Variants in DYNC2H1 observed in about 807,000 individuals in gnomAD.
The protein encoded by DYNC2H1 is cytoplasmic dynein 2 heavy chain 1.
A neutral mutation model predicts 570.0 loss-of-function variants in DYNC2H1; 410 were observed. That is an observed-to-expected ratio of 0.72 (90% CI 0.66 to 0.78). The LOEUF is 0.78. Among genes scored for constraint, DYNC2H1 ranks in the 30% least tolerant of loss-of-function variants. DYNC2H1 has a pLI of 0.00. For missense variants in DYNC2H1, 4,865 were observed against 5,046.4 expected, an observed-to-expected ratio of 0.96 and a Z score of 1.09; for synonymous variants, 1,688 against 1,677.6, an observed-to-expected ratio of 1.01 and a Z score of -0.15.
At chr11:103,184,377 G>A (rs1047742614) in intron 40 of DYNC2H1, among the ~76,000 whole-genome samples, 37 of 151,788 alleles carry the variant, frequency 2.4e-4, no homozygotes, top group African/African-American at 8.5e-4. Context: ...TAACTCTCTG[G>A]CACTTACCAG....
intron 85 of DYNC2H1, among the ~76,000 whole-genome samples, chr11:103,453,870 T>G (rs1944696390): frequency 6.6e-6 from 1 of 151,830 alleles, no homozygotes; most frequent in Non-Finnish European, 1.5e-5. Context: ...TTAATAAAAA[T>G]TATTTGATAG....
At chr11:103,161,309 T>C (rs1037799950) in intron 29 of DYNC2H1, among the ~76,000 whole-genome samples, 1 of 152,154 alleles carries the variant, frequency 6.6e-6, no homozygotes, top group Admixed American at 6.5e-5. Context: ...GATATTAATC[T>C]TAGCTCCACA....
In DYNC2H1 at chr11:103,468,224, T is replaced by C. The variant is rs566364424; in HGVS notation, c.12649-365T>C. 1.8e-3 allele frequency among the ~76,000 whole-genome samples: 274 copies of C among 152,306 alleles called. 2 individuals carry two copies. Among genetic ancestry groups the C allele is most frequent in the Non-Finnish European group, 2.0e-3 (138 of 68,030 alleles). On this transcript the variant is annotated intron_variant, in intron 87 of 88. Transcript: ENST00000375735. ...AGGTGTCAGAATTCCAGGTTGGGAA[T>C]ACAATGTTTGCTCTCTAATTATGCT...
At chr11:103,259,015 C>T (rs527633700) in intron 69 of DYNC2H1, among the ~76,000 whole-genome samples, 4 of 152,310 alleles carry the variant, frequency 2.6e-5, no homozygotes, top group African/African-American at 9.6e-5. Context: ...AGGATTAATG[C>T]ATCTGAGTTC....
At position 103,198,054 on chromosome 11, in the gene DYNC2H1, T is replaced by A. The variant is rs1862571096; in HGVS notation, c.7830T>A (p.Val2610=). The A allele has an allele frequency of 6.4e-7, 1 of 1,551,856 alleles. No homozygotes were observed. The highest frequency in any genetic ancestry group is 8.7e-7 in the Non-Finnish European group (1 of 1,146,936). The part of the protein sequence containing the change: ...GKLNSTDLKD[V]IKKGLIHYGR... ...TAAACTCTACTGATCTCAAGGATGT[T>A]ATTAAAAAGGTATAATATGAATCAT... Residue 2610 remains valine (V), a synonymous_variant, in exon 48 of 89, where the codon GTT becomes GTA. Coordinates refer to ENST00000375735, the MANE Select transcript of DYNC2H1 (RefSeq NM_001377.3).
chr11:103,426,337 C>G (rs1943671649), intron 84 of DYNC2H1, among the ~76,000 whole-genome samples: 1 of 152,172 alleles, frequency 6.6e-6, no homozygotes, highest in African/African-American at 2.4e-5. Flanking sequence ...CTTTATATTT[C>G]TGTGTGTGTG....
chr11:103,173,807 T>C (rs1032253709), intron 35 of DYNC2H1, among the ~76,000 whole-genome samples: 1 of 152,130 alleles, frequency 6.6e-6, no homozygotes, highest in Non-Finnish European at 1.5e-5. Context: ...AACAGGTAAT[T>C]GTCATTTGGT....
At chr11:103,329,773 A>T (rs1397422939) in intron 82 of DYNC2H1, among the ~76,000 whole-genome samples, 1 of 152,092 alleles carries the variant, frequency 6.6e-6, no homozygotes, top group Non-Finnish European at 1.5e-5. Flanking sequence ...CTTTCTATTA[A>T]TGAATATTGC....
chr11:103,302,781 C>T (rs1475521856), intron 75 of DYNC2H1, among the ~76,000 whole-genome samples: 1 of 151,988 alleles, frequency 6.6e-6, no homozygotes, highest in African/African-American at 2.4e-5. Context: ...TACAGTACAG[C>T]TACAGGCCTG....
intron 54 of DYNC2H1, among the ~76,000 whole-genome samples, chr11:103,212,711 T>C (rs1291464257): frequency 6.6e-6 from 1 of 152,092 alleles, no homozygotes; most frequent in Non-Finnish European, 1.5e-5. Context: ...TTTCCCTTTG[T>C]TAGGGTAGTA....
chr11:103,168,994 T>G lies in DYNC2H1; in HGVS notation c.4968+34T>G, dbSNP rs1417000317. The G allele has an allele frequency of 2.6e-6, 4 of 1,513,370 alleles. No individual in the cohort carries two copies. In the South Asian group the frequency reaches 5.5e-5, roughly 21 times the overall value. The allele number at this position is 1,513,370 out of a possible 1,614,324, so 93.7% of individuals were successfully genotyped here. ...TGTGGCAGTGTTTTATATTTCCAATTAGAAATTATTTACTGTAAAGAAAAT... is the reference window on the plus strand; with the variant it reads ...TGTGGCAGTGTTTTATATTTCCAATGAGAAATTATTTACTGTAAAGAAAAT... On this transcript the variant is annotated intron_variant, in intron 32 of 88. Coordinates refer to ENST00000375735, the MANE Select transcript of DYNC2H1 (RefSeq NM_001377.3).
At position 103,465,559 on chromosome 11, in the gene DYNC2H1, C is replaced by A. The variant is rs1364266923; in HGVS notation, c.12649-3030C>A. Among the ~76,000 whole-genome samples, 1 of 152,068 alleles carries A rather than the reference C, an allele frequency of 6.6e-6. No homozygotes were observed. Among genetic ancestry groups the A allele is most frequent in the African/African-American group, 2.4e-5 (1 of 41,406 alleles). ...ACCAATTTATTATTTTCTCACAATT[C>A]TGTGGGTTGCCTAGTAGATCCTTTG... On this transcript the variant is annotated intron_variant, in intron 87 of 88. Coordinates refer to ENST00000375735, the MANE Select transcript of DYNC2H1 (RefSeq NM_001377.3). This position sits in a 1 kb window ranked among gnomAD's most constrained non-coding sequence, Gnocchi z 4.9.
chr11:103,317,841 A>C (rs1221834020), intron 80 of DYNC2H1, among the ~76,000 whole-genome samples: 1 of 151,834 alleles, frequency 6.6e-6, no homozygotes, highest in Non-Finnish European at 1.5e-5. Context: ...TTGTATTGTC[A>C]TATTGTCTTA....
At position 103,363,312 on chromosome 11, in the gene DYNC2H1, G is replaced by C. The variant is rs1448658727; in HGVS notation, c.12156+4953G>C. ...CTTAATTAGAACTATTAGTTTATGA[G>C]AAAATCAGTTTATTTTAGATATGTT... is the stretch of plus-strand genomic sequence containing the variant. On this transcript the variant is annotated intron_variant, in intron 83 of 88. Transcript: ENST00000375735. This position sits in a 1 kb window ranked among gnomAD's most constrained non-coding sequence, Gnocchi z 5.6. Among the ~76,000 whole-genome samples the C allele has an allele frequency of 6.6e-6, 1 of 152,062 alleles. No individual in the cohort carries two copies. Among genetic ancestry groups the C allele is most frequent in the Non-Finnish European group, 1.5e-5 (1 of 68,010 alleles).
At chr11:103,134,576 A>G (rs1414388451) in intron 15 of DYNC2H1, among the ~76,000 whole-genome samples, 157 bp downstream of exon 15, 7 of 152,182 alleles carry the variant, frequency 4.6e-5, no homozygotes, top group Non-Finnish European at 8.8e-5. Context: ...TTATATATAA[A>G]GACCACATAT....
Position 103,163,227 on chromosome 11 carries a change from A to C in DYNC2H1, c.4611+80A>C. 6.8e-7 allele frequency: 1 copy of C among 1,469,408 alleles called. No individual in the cohort carries two copies. The highest frequency in any genetic ancestry group is 9.1e-7 in the Non-Finnish European group (1 of 1,097,260). 91.0% of individuals were successfully genotyped at this position (1,469,408 alleles called of 1,614,324 possible). A position where few individuals can be genotyped will look rare whatever the true frequency, so the allele number is the denominator to read the frequency against. On this transcript the variant is annotated intron_variant, in intron 30 of 88. Coordinates refer to ENST00000375735, the MANE Select transcript of DYNC2H1 (RefSeq NM_001377.3). The surrounding 1 kb of genome is among the most constrained non-coding windows in gnomAD (Gnocchi z 4.6). ...GACCTAGAAGCCAGGAGGCTCAGATAAATCGCATCTGTTTTCTCCCTTTAT... is the reference window on the plus strand; with the variant it reads ...GACCTAGAAGCCAGGAGGCTCAGATCAATCGCATCTGTTTTCTCCCTTTAT...
intron 88 of DYNC2H1, among the ~76,000 whole-genome samples, chr11:103,469,030 T>A (rs977091938): frequency 6.6e-6 from 1 of 152,252 alleles, no homozygotes; most frequent in African/African-American, 2.4e-5. Flanking sequence ...TGCTAGGTAC[T>A]TTATATGCTT....
At chr11:103,468,363 T>C in intron 87 of DYNC2H1, 1 of 355,608 alleles carries the variant, frequency 2.8e-6, no homozygotes, top group Non-Finnish European at 5.1e-6. Context: ...TATATGTAAT[T>C]TCAAAAATAT....
chr11:103,408,012 A>G (rs1942932254), intron 84 of DYNC2H1: 1 of 152,024 alleles, frequency 6.6e-6, no homozygotes, highest in Admixed American at 6.6e-5. Flanking sequence ...AATTTGAATT[A>G]GATGCTCATC....
Sources: allele counts gnomAD v4.1 joint callset (sites outside exome capture counted in the v4.1 genomes callset), GRCh38; gene constraint gnomAD v4.1.1; non-coding constraint Gnocchi (gnomAD v3.1); transcripts MANE v1.5; gene names NCBI Gene and HGNC (gene_info 2026-07-23, HGNC 2026-07-21).